ZFX: variants seen among roughly 807,000 people sequenced by gnomAD.
ZFX encodes the protein zinc finger X-chromosomal protein.
For synonymous variants in ZFX, 196 were observed against 226.8 expected, an observed-to-expected ratio of 0.86 and a Z score of 1.22; for missense variants, 362 against 628.3, an observed-to-expected ratio of 0.58 and a Z score of 4.53.
chrX:24,200,881 A>G (rs1249525594), intron 5 of ZFX, among the ~76,000 whole-genome samples: 1 of 112,330 alleles, frequency 8.9e-6, no homozygotes, highest in Non-Finnish European at 1.9e-5. Flanking sequence ...AAATGTAGAA[A>G]TGCTAAGGAT....
intron 3 of ZFX, among the ~76,000 whole-genome samples, chrX:24,158,360 ACAAAC>A (rs931584932): frequency 2.8e-4 from 31 of 111,136 alleles, no homozygotes; most frequent in African/African-American, 9.8e-4. Context: ...AACAAACAAA[ACAAAC>A]CAAAAACAAA....
intron 3 of ZFX, among the ~76,000 whole-genome samples, chrX:24,163,940 G>T (rs6629807): frequency 9.5e-6 from 1 of 105,382 alleles, no homozygotes; most frequent in Admixed American, 1.0e-4. Flanking sequence ...TAGAATTCTA[G>T]ACCATTTTCA....
intron 1 of ZFX, 23 bp from the exon 2 acceptor site, chrX:24,151,668 A>C (rs1932156775): frequency 9.0e-6 from 1 of 110,953 alleles, no homozygotes; most frequent in Admixed American, 9.6e-5. Flanking sequence ...CTTGTTATTT[A>C]CTTATTTTTT....
chrX:24,155,833 A>C (rs1221233344), intron 3 of ZFX, among the ~76,000 whole-genome samples: 1 of 112,571 alleles, frequency 8.9e-6, no homozygotes, highest in Admixed American at 9.4e-5. Context: ...TTGCTTGTGC[A>C]TACCTTTGGT....
chrX:24,212,191 A>G lies in ZFX; in HGVS notation c.*815A>G, dbSNP rs1210091544. 1 of 112,223 alleles carries G rather than the reference A, an allele frequency of 8.9e-6. No homozygotes were observed. The highest frequency in any genetic ancestry group is 9.5e-5 in the Admixed American group (1 of 10,492). The allele number at this position is 112,223 out of a possible 1,213,427, so 9.2% of individuals were successfully genotyped here. On this transcript the variant is annotated 3_prime_UTR_variant, in exon 10 of 10. Coordinates refer to ENST00000304543, the MANE Select transcript of ZFX (RefSeq NM_003410.4). ...ATCTCCTAGAGGTAACTCATGGCTT[A>G]TAGGATCTTTTGCAACTTTATGTAT...
chrX:24,205,779 A>G (rs910976489), intron 5 of ZFX, among the ~76,000 whole-genome samples: 1 of 111,484 alleles, frequency 9.0e-6, no homozygotes, highest in East Asian at 2.8e-4. Flanking sequence ...GCTTGAACCC[A>G]GGAAGCAGAA....
At chrX:24,167,336 G>T (rs1405882054) in intron 3 of ZFX, among the ~76,000 whole-genome samples, 2 of 111,332 alleles carry the variant, frequency 1.8e-5, no homozygotes, top group Non-Finnish European at 3.8e-5. Context: ...GGGCAAACAG[G>T]AATTATCACT....
intron 3 of ZFX, among the ~76,000 whole-genome samples, chrX:24,171,162 A>G (rs1248070822): frequency 8.9e-6 from 1 of 111,886 alleles, no homozygotes; most frequent in Non-Finnish European, 1.9e-5. Flanking sequence ...CCAGTACAAT[A>G]AGAGAAGAAT....
intron 5 of ZFX, among the ~76,000 whole-genome samples, chrX:24,206,216 C>T (rs1336275125): frequency 8.9e-6 from 1 of 112,167 alleles, no homozygotes; most frequent in African/African-American, 3.2e-5. Context: ...ACCTTTCTGG[C>T]AATCATGTTT....
chrX:24,153,074 A>G (rs1443425300), intron 3 of ZFX, among the ~76,000 whole-genome samples: 2 of 111,908 alleles, frequency 1.8e-5, no homozygotes, highest in Admixed American at 9.5e-5. Context: ...CTTTTTGTAA[A>G]TGCTTACTCT....
intron 5 of ZFX, among the ~76,000 whole-genome samples, chrX:24,184,119 G>A (rs1427630351): frequency 9.0e-6 from 1 of 111,500 alleles, no homozygotes; most frequent in Non-Finnish European, 1.9e-5. Flanking sequence ...ATCTCATTGT[G>A]TATATGCAAA....
At chrX:24,152,260 C>G (rs748003565) in intron 2 of ZFX, among the ~76,000 whole-genome samples, 2 of 109,536 alleles carry the variant, frequency 1.8e-5, no homozygotes, top group African/African-American at 6.7e-5. Flanking sequence ...CTCAGCCTCC[C>G]GAGTAGCTGG....
In ZFX at chrX:24,212,251, A is replaced by G. The variant is rs1289027112; in HGVS notation, c.*875A>G. 2.7e-5 allele frequency: 3 copies of G among 111,841 alleles called. No homozygotes were observed. Among genetic ancestry groups the G allele is most frequent in the Admixed American group, 9.6e-5 (1 of 10,411 alleles). The allele number at this position is 111,841 out of a possible 1,213,427, so 9.2% of individuals were successfully genotyped here. ...CCCTGAATTATATATATACACATAT[A>G]TATCATGTACCTGTGTGTATTGCTT... On this transcript the variant is annotated 3_prime_UTR_variant, in exon 10 of 10. Transcript: ENST00000304543.
intron 3 of ZFX, among the ~76,000 whole-genome samples, chrX:24,168,276 TAGTG>T (rs1241302165): frequency 6.2e-5 from 7 of 112,143 alleles, no homozygotes; most frequent in African/African-American, 1.6e-4. Flanking sequence ...GAGTGTGACT[TAGTG>T]AGAAGAATTA....
chrX:24,201,294 A>G (rs750589510), intron 5 of ZFX, among the ~76,000 whole-genome samples: 2 of 112,833 alleles, frequency 1.8e-5, no homozygotes, highest in Non-Finnish European at 3.8e-5. Flanking sequence ...GCTACCAGGT[A>G]AGCTCATATA....
chrX:24,208,913 T>C lies in ZFX; in HGVS notation c.1107T>C (p.Asp369=), dbSNP rs1317409360. ...ACACATTGTTAGGTAATAATTCTGA[T>C]GGAATTGAAAACCGGAATGGCACTG... ...AWAAAYGNNS[D]GIENRNGTAS... Residue 369 remains aspartate, a synonymous_variant, in exon 9 of 10, where the codon GAT becomes GAC. Coordinates refer to ENST00000304543, the MANE Select transcript of ZFX (RefSeq NM_003410.4). 1 of 1,210,114 alleles carries C rather than the reference T, an allele frequency of 8.3e-7. No homozygotes were observed. The highest frequency in any genetic ancestry group is 1.1e-6 in the Non-Finnish European group (1 of 895,215).
At chrX:24,205,188 C>T (rs1937526080) in intron 5 of ZFX, among the ~76,000 whole-genome samples, 1 of 112,338 alleles carries the variant, frequency 8.9e-6, no homozygotes, top group Non-Finnish European at 1.9e-5. Flanking sequence ...TTCTGGGCCT[C>T]GGTCCTGCTC....
chrX:24,150,292 G>A (rs1371678745), intron 1 of ZFX, among the ~76,000 whole-genome samples: 1 of 102,417 alleles, frequency 9.8e-6, no homozygotes, highest in African/African-American at 3.5e-5. Flanking sequence ...GGTGTCTGGA[G>A]AGAAAATTCC....
chrX:24,201,047 A>T (rs1484287091), intron 5 of ZFX, among the ~76,000 whole-genome samples: 1 of 112,030 alleles, frequency 8.9e-6, no homozygotes, highest in Admixed American at 9.5e-5. Context: ...AGGTAGGATG[A>T]CTCAATTTTA....
Sources: gnomAD v4.1 joint callset for allele counts (sites outside exome capture counted in the v4.1 genomes callset) on GRCh38, gnomAD v4.1.1 for gene constraint, MANE v1.5 for transcripts, NCBI Gene and HGNC (gene_info 2026-07-23, HGNC 2026-07-21) for gene names.